Variants in DOCK9 observed in about 807,000 individuals in gnomAD.
DOCK9 encodes dedicator of cytokinesis protein 9.
A neutral mutation model predicts 263.3 loss-of-function variants in DOCK9; 89 were observed. That is an observed-to-expected ratio of 0.34 (90% CI 0.28 to 0.40). The LOEUF (loss-of-function observed/expected upper bound fraction) is 0.40, where lower values mean the gene tolerates loss of function less well. Among genes scored for constraint, DOCK9 ranks in the 10% least tolerant of loss-of-function variants. The probability of loss-of-function intolerance (pLI) is 1.00; values close to 1 mark genes in which losing one functional copy is unlikely to be tolerated. For synonymous variants in DOCK9, 976 were observed against 973.1 expected, an observed-to-expected ratio of 1.00 and a Z score of -0.06; for missense variants, 2,140 against 2,603.4, an observed-to-expected ratio of 0.82 and a Z score of 3.87.
intron 45 of DOCK9, among the ~76,000 whole-genome samples, chr13:98,814,406 CTT>C (rs36080691): frequency 1.3e-4 from 18 of 139,074 alleles, no homozygotes; most frequent in Admixed American, 2.8e-4. Flanking sequence ...AGAAGTACGT[CTT>C]TTTTTTTTTT....
At chr13:98,883,937 T>C in intron 21 of DOCK9, 38 bp from the exon 22 acceptor site, 2 of 1,474,682 alleles carry the variant, frequency 1.4e-6, no homozygotes, top group South Asian at 1.2e-5. Context: ...CCCTACAGAT[T>C]AGTTATTTTG....
intron 1 of DOCK9, among the ~76,000 whole-genome samples, chr13:98,989,344 ATG>A (rs1567176752): frequency 2.3e-3 from 260 of 114,274 alleles, no homozygotes; most frequent in South Asian, 7.1e-3. Context: ...GATGATGATG[ATG>A]ATAATAATAA....
At chr13:98,919,315 G>C (rs970533723) in intron 7 of DOCK9, among the ~76,000 whole-genome samples, 7 of 152,004 alleles carry the variant, frequency 4.6e-5, no homozygotes, top group Non-Finnish European at 2.9e-5. Flanking sequence ...TCACCATGTT[G>C]GTCAGGCTGG....
intron 1 of DOCK9, among the ~76,000 whole-genome samples, chr13:98,988,570 G>A (rs1879008734): frequency 6.6e-6 from 1 of 152,142 alleles, no homozygotes; most frequent in Non-Finnish European, 1.5e-5. Context: ...TACATTCCTT[G>A]ACCAGACAGA....
rs957951567 is a variant in DOCK9 at position 98,825,149 on chromosome 13, C to T, written c.5024-645G>A. Among the ~76,000 whole-genome samples the T allele has an allele frequency of 7.2e-5, 11 of 152,328 alleles. No homozygotes were observed. The South Asian group carries it at 1.5e-3, about 20-fold the overall frequency. ...AGAGGAAATGGTGTTAGCTTAGAGG[C>T]AGGATCAATGTCTGGGATAAGGATG... On this transcript the variant is annotated intron_variant, in intron 44 of 52. Transcript: ENST00000682017. The surrounding 1 kb of genome is among the most constrained non-coding windows in gnomAD (Gnocchi z 4.1).
At position 98,886,705 on chromosome 13, in the gene DOCK9, G is replaced by A. The variant is rs1000091243; in HGVS notation, c.2044-81C>T. 70 of 1,296,930 alleles carry A rather than the reference G, an allele frequency of 5.4e-5. No individual in the cohort carries two copies. In the African/African-American group the frequency reaches 8.9e-4, roughly 17 times the overall value. 80.3% of individuals were successfully genotyped at this position (1,296,930 alleles called of 1,614,324 possible). A position where few individuals can be genotyped will look rare whatever the true frequency, so the allele number is the denominator to read the frequency against. ...ACTTGGATATATCGTAAAGGAGGAG[G>A]CATTCCTACGGCATAGACTTAGCAT... On this transcript the variant is annotated intron_variant, in intron 18 of 52. Transcript: ENST00000682017.
intron 1 of DOCK9, chr13:99,015,616 G>A (rs776796067): frequency 1.6e-5 from 25 of 1,581,316 alleles, no homozygotes; most frequent in Non-Finnish European, 1.5e-5. Flanking sequence ...CATCCCCAAG[G>A]TGTGGATGTT....
chr13:98,839,334 A>G (rs377384785), intron 38 of DOCK9, among the ~76,000 whole-genome samples: 30 of 152,364 alleles, frequency 2.0e-4, no homozygotes, highest in Non-Finnish European at 2.5e-4. Flanking sequence ...TACTGCCATG[A>G]TGGTAATCCA....
At chr13:99,052,213 A>G (rs2040729496) in intron 1 of DOCK9, among the ~76,000 whole-genome samples, 1 of 152,162 alleles carries the variant, frequency 6.6e-6, no homozygotes, top group Admixed American at 6.5e-5. Flanking sequence ...GGGGCAGTGG[A>G]TATGCAGCAA....
chr13:99,077,334 T>G (rs1442062062), intron 1 of DOCK9, among the ~76,000 whole-genome samples: 1 of 152,166 alleles, frequency 6.6e-6, no homozygotes, highest in Non-Finnish European at 1.5e-5. Context: ...TCCCCCTTAC[T>G]GTTCTCATGA....
intron 1 of DOCK9, among the ~76,000 whole-genome samples, chr13:99,044,987 G>A (rs758253949): frequency 2.6e-5 from 4 of 152,152 alleles, no homozygotes; most frequent in Admixed American, 6.5e-5. Flanking sequence ...TACCCAAGTC[G>A]ACAGACCTTC....
chr13:98,837,094 T>C (rs918919441), intron 39 of DOCK9, among the ~76,000 whole-genome samples: 34 of 152,064 alleles, frequency 2.2e-4, no homozygotes, highest in Admixed American at 6.6e-5. Context: ...ACTGAAAACA[T>C]GTGTCTGTGT....
chr13:99,039,462 G>C (rs1338778007), intron 1 of DOCK9, among the ~76,000 whole-genome samples: 2 of 152,066 alleles, frequency 1.3e-5, no homozygotes, highest in South Asian at 4.2e-4. Context: ...TGAAACTGTG[G>C]GAAAATGTTA....
chr13:98,886,482 T>A (rs1204057636), intron 19 of DOCK9, 50 bp downstream of exon 19: 2 of 1,534,926 alleles, frequency 1.3e-6, no homozygotes, highest in African/African-American at 1.4e-5. Flanking sequence ...TACATTAAAG[T>A]TTCCCTTAAA....
intron 1 of DOCK9, among the ~76,000 whole-genome samples, chr13:99,005,857 TA>T (rs1417464146): frequency 3.3e-5 from 5 of 151,794 alleles, no homozygotes; most frequent in Admixed American, 3.3e-4. Flanking sequence ...TATGTGGCAA[TA>T]AAACTTTATT....
Position 98,797,431 on chromosome 13 carries a change from C to T in DOCK9, c.5975G>A (p.Arg1992Gln), listed in dbSNP as rs745680031. The change falls in exon 51 of 53, where the codon CGA (arginine) becomes CAA (glutamine). Residue 1992 changes from arginine to glutamine, a missense_variant. Arg to Gln is a conservative substitution (Grantham distance 43). Coordinates refer to ENST00000682017, the MANE Select transcript of DOCK9 (RefSeq NM_001366683.2). ...RAFLDDTNTK[R>Q]YPDNKVKLLK... ...CAGCTTCACTTTATTGTCAGGATAT[C>T]GCTTTGTGTTTGTATCATCTAAGAA... 48 of 1,613,522 alleles carry T rather than the reference C, an allele frequency of 3.0e-5. No individual in the cohort carries two copies. The highest frequency in any genetic ancestry group is 4.0e-5 in the Non-Finnish European group (47 of 1,179,774).
chr13:98,884,926 T>G, intron 21 of DOCK9, 45 bp downstream of exon 21: 10 of 1,579,172 alleles, frequency 6.3e-6, no homozygotes, highest in Non-Finnish European at 8.6e-6. Context: ...TTCTTTAATG[T>G]TTTCTGAAGA....
At position 98,829,502 on chromosome 13, in the gene DOCK9, A is replaced by G; in HGVS notation, c.4770T>C (p.Asp1590=). The G allele has an allele frequency of 6.2e-7, 1 of 1,613,514 alleles. No homozygotes were observed. The highest frequency in any genetic ancestry group is 1.1e-5 in the South Asian group (1 of 90,856). The change falls in exon 43 of 53, where the codon GAT becomes GAC. Residue 1590 remains aspartate (D), a synonymous_variant. Coordinates refer to ENST00000682017, the MANE Select transcript of DOCK9 (RefSeq NM_001366683.2). This position sits in a 1 kb window ranked among gnomAD's most constrained non-coding sequence, Gnocchi z 4.1. ...GTATCCTTTTGGTTAAGTCCTTCAC[A>G]TCAGAGGAGAAGCTGGTGTGCTAAA... The part of the protein sequence containing the change: ...RLIKHTSFSS[D]VKDLTKRIRT...
chr13:98,805,815 G>A (rs1287759399), intron 48 of DOCK9, among the ~76,000 whole-genome samples: 1 of 152,076 alleles, frequency 6.6e-6, no homozygotes, highest in East Asian at 1.9e-4. Flanking sequence ...AGGCTGGAGT[G>A]CAATGGCGCG....
Sources: allele counts gnomAD v4.1 joint callset (sites outside exome capture counted in the v4.1 genomes callset), GRCh38; gene constraint gnomAD v4.1.1; non-coding constraint Gnocchi (gnomAD v3.1); transcripts MANE v1.5; gene names NCBI Gene and HGNC (gene_info 2026-07-23, HGNC 2026-07-21).